Variants in PLAU observed in about 807,000 individuals in gnomAD.
PLAU encodes the protein urokinase-type plasminogen activator.
PLAU carries 32 observed loss-of-function variants against 48.9 expected under a neutral mutation model. That is an observed-to-expected ratio of 0.65 (90% confidence interval 0.49 to 0.88). The LOEUF (loss-of-function observed/expected upper bound fraction) is 0.88, where lower values mean the gene tolerates loss of function less well. Among genes scored for constraint, PLAU ranks in the 40% least tolerant of loss-of-function variants. The probability of loss-of-function intolerance (pLI) is 0.00; values close to 1 mark genes in which losing one functional copy is unlikely to be tolerated. For missense variants in PLAU, 455 were observed against 545.2 expected (o/e 0.83, Z 1.65); for synonymous variants, 199 against 205.7 (o/e 0.97, Z 0.28).
At chr10:73,916,325 G>T in intron 10 of PLAU, 64 bp from the exon 11 acceptor site, 1 of 1,414,350 alleles carries the variant, frequency 7.1e-7, no homozygotes, top group Non-Finnish European at 9.9e-7. Context: ...ATGGTTGGGT[G>T]ATGGGATCAG....
chr10:73,915,025 G>A lies in PLAU; in HGVS notation c.970+109G>A, dbSNP rs2227572. The A allele has an allele frequency of 1.8e-3, 2,249 of 1,266,802 alleles. 33 individuals carry two copies. In the African/African-American group the frequency reaches 0.03, roughly 17 times the overall value. 78.5% of individuals were successfully genotyped at this position (1,266,802 alleles called of 1,614,324 possible). On this transcript the variant is annotated intron_variant, in intron 9 of 10. Coordinates refer to ENST00000372764, the MANE Select transcript of PLAU (RefSeq NM_002658.6). ...GCAGAGTTAGAGGTGGGAGCACTGAGGCGGTGGCAGATGGGTCCAGGGATG... is the reference window on the plus strand; with the variant it reads ...GCAGAGTTAGAGGTGGGAGCACTGAAGCGGTGGCAGATGGGTCCAGGGATG...
rs2096129522 is a variant in PLAU, at chr10:73,913,574, T to G, written c.496T>G (p.Phe166Val). The G allele has an allele frequency of 6.2e-7, 1 of 1,613,676 alleles. No individual in the cohort carries two copies. The highest frequency in any genetic ancestry group is 8.5e-7 in the Non-Finnish European group (1 of 1,179,904). Residue 166 changes from phenylalanine (F) to valine (V), a missense_variant, in exon 7 of 11, where the codon TTT becomes GTT. Coordinates refer to ENST00000372764, the MANE Select transcript of PLAU (RefSeq NM_002658.6). Reference protein sequence around the residue: ...KPSSPPEELKFQCGQKTLRPR... With the variant: ...KPSSPPEELKVQCGQKTLRPR... ...CTCCTCTCCTCCAGAAGAATTAAAA[T>G]TTCAGTGTGGCCAAAAGACTCTGAG...
chr10:73,911,124 G>A (rs575703386), upstream of PLAU: 6 of 179,398 alleles, frequency 3.3e-5, no homozygotes, highest in South Asian at 8.4e-4. Context: ...GGCGCCGCGG[G>A]TCGCAGCACA....
chr10:73,914,257 T>C (rs2096131586), intron 8 of PLAU, 129 bp downstream of exon 8: 2 of 817,468 alleles, frequency 2.4e-6, no homozygotes, highest in African/African-American at 1.7e-5. Flanking sequence ...GAAGCCTCGA[T>C]ATACATGACA....
chr10:73,912,831 C>G, intron 4 of PLAU, 93 bp from the exon 5 acceptor site: 2 of 981,742 alleles, frequency 2.0e-6, no homozygotes, highest in Non-Finnish European at 3.0e-6. Flanking sequence ...AACTGGGCGA[C>G]AGAGCAAGAC....
Position 73,913,394 on chromosome 10 carries a change from G to A in PLAU, c.460+13G>A, listed in dbSNP as rs1445135132. On this transcript the variant is annotated intron_variant, in intron 6 of 10. Transcript: ENST00000372764. ...GACTGCGCAGATGGTGAGCATCACTGACCTGCTGATGACAGTGGGGTGGAA... is the reference window on the plus strand; with the variant it reads ...GACTGCGCAGATGGTGAGCATCACTAACCTGCTGATGACAGTGGGGTGGAA... 2 of 1,610,254 alleles carry A rather than the reference G, an allele frequency of 1.2e-6. No homozygotes were observed. The highest frequency in any genetic ancestry group is 2.7e-5 in the African/African-American group (2 of 74,930).
At chr10:73,915,014 G>A in intron 9 of PLAU, 98 bp downstream of exon 9, 3 of 1,370,126 alleles carry the variant, frequency 2.2e-6, no homozygotes, top group Non-Finnish European at 2.0e-6. Context: ...AGTTAGAGGT[G>A]GGAGCACTGA....
chr10:73,915,475 G>A, intron 10 of PLAU, 76 bp downstream of exon 10: 1 of 1,416,292 alleles, frequency 7.1e-7, no homozygotes, highest in Non-Finnish European at 9.5e-7. Context: ...GCCAGCTTAA[G>A]GGTGTCTCTC....
rs761855045 is a variant in PLAU at position 73,916,457 on chromosome 10, G to A, written c.1188G>A (p.Trp396Ter). ...GRMTLTGIVS[W>*]GRGCALKDKP... is the part of the protein sequence containing the mutation. ...TGACTTTGACTGGAATTGTGAGCTGGGGCCGTGGATGTGCCCTGAAGGACA... is the reference window on the plus strand; with the variant it reads ...TGACTTTGACTGGAATTGTGAGCTGAGGCCGTGGATGTGCCCTGAAGGACA... The change falls in exon 11 of 11, where the codon TGG becomes TGA. Residue 396 changes from tryptophan (W) to a stop codon, truncating the protein, a stop_gained. Transcript: ENST00000372764. LOFTEE classifies it low-confidence loss of function (END_TRUNC). The A allele has an allele frequency of 6.2e-7, 1 of 1,613,906 alleles. No homozygotes were observed. The highest frequency in any genetic ancestry group is 1.1e-5 in the South Asian group (1 of 91,018).
chr10:73,914,694 C>A, intron 8 of PLAU, 82 bp from the exon 9 acceptor site: 6 of 1,402,918 alleles, frequency 4.3e-6, no homozygotes, highest in Non-Finnish European at 5.9e-6. Context: ...GGCATAGCTA[C>A]TTCCTCGGCA....
upstream of PLAU, chr10:73,910,856 C>T (rs1176140905): frequency 6.6e-6 from 1 of 152,372 alleles, no homozygotes; most frequent in African/African-American, 2.4e-5. Flanking sequence ...CTTCTCTCCT[C>T]TCTGCAATTC....
intron 2 of PLAU, chr10:73,911,834 C>G (rs1240640750): frequency 6.4e-7 from 1 of 1,551,922 alleles, no homozygotes; most frequent in Non-Finnish European, 8.7e-7. Flanking sequence ...CCCCAGCCTG[C>G]GGGCATCTGG....
At chr10:73,915,754 A>G (rs2096135423) in intron 10 of PLAU, among the ~76,000 whole-genome samples, 1 of 152,110 alleles carries the variant, frequency 6.6e-6, no homozygotes, top group Non-Finnish European at 1.5e-5. Context: ...TTTAAAGGAA[A>G]TGTGACTTGA....
intron 2 of PLAU, 25 bp from the exon 3 acceptor site, chr10:73,912,015 GA>G (rs762613177): frequency 2.3e-5 from 37 of 1,613,986 alleles, no homozygotes; most frequent in South Asian, 9.9e-5. Context: ...GACCTTTGAT[GA>G]AGCCTCCTCC....
intron 1 of PLAU, 21 bp downstream of exon 1, chr10:73,911,239 A>G (rs2096123183): frequency 9.2e-6 from 4 of 435,312 alleles, no homozygotes; most frequent in African/African-American, 2.1e-5. Context: ...CGGTCCTGAG[A>G]TCCCCGGGCC....
rs149869183 is a variant in PLAU, at chr10:73,912,996, G to A, written c.266G>A (p.Arg89Gln). 5.1e-5 allele frequency: 82 copies of A among 1,613,964 alleles called. No homozygotes were observed. Among genetic ancestry groups the A allele is most frequent in the East Asian group, 1.1e-4 (5 of 44,898 alleles). Reference protein sequence around the residue: ...RGKASTDTMGRPCLPWNSATV... With the variant: ...RGKASTDTMGQPCLPWNSATV... ...AAGGCCAGCACTGACACCATGGGCC[G>A]GCCCTGCCTGCCCTGGAACTCTGCC... Residue 89 changes from arginine to glutamine, a missense_variant, in exon 5 of 11, where the codon CGG becomes CAG. By Grantham distance (43) the Arg-to-Gln change is conservative. Transcript: ENST00000372764.
Position 73,914,542 on chromosome 10 carries a change from C to T in PLAU, c.830-234C>T, listed in dbSNP as rs559834339. ...CCTCAGCTGGGAGTTTTTGCAGAAA[C>T]GACCTGTACAGCTGTATGCAGTGGC... On this transcript the variant is annotated intron_variant, in intron 8 of 10. Coordinates refer to ENST00000372764, the MANE Select transcript of PLAU (RefSeq NM_002658.6). Among the ~76,000 whole-genome samples the T allele has an allele frequency of 3.4e-4, 52 of 152,276 alleles. 1 individual carries two copies. The highest frequency in any genetic ancestry group is 1.2e-3 in the African/African-American group (48 of 41,554).
At chr10:73,911,421 T>G in intron 1 of PLAU, 104 bp from the exon 2 acceptor site, 1 of 1,175,198 alleles carries the variant, frequency 8.5e-7, no homozygotes, top group Non-Finnish European at 1.2e-6. Context: ...GAGAGACAGC[T>G]GGGGAGCCTG....
chr10:73,911,157 G>A lies in PLAU; in HGVS notation c.-93G>A, dbSNP rs897314960. The stretch of plus-strand genomic sequence containing the variant: ...ACAGTGCGGAGACCGCAGCCCCGGA[G>A]CCCGGGCCAGGGTCCACCTGTCCCC... On this transcript the variant is annotated 5_prime_UTR_variant, in exon 1 of 11. Coordinates refer to ENST00000372764, the MANE Select transcript of PLAU (RefSeq NM_002658.6). 3 of 241,650 alleles carry A rather than the reference G, an allele frequency of 1.2e-5. No homozygotes were observed. The highest frequency in any genetic ancestry group is 2.4e-5 in the Non-Finnish European group (3 of 127,140). 15.0% of individuals were successfully genotyped at this position (241,650 alleles called of 1,614,324 possible).
Sources: allele counts gnomAD v4.1 joint callset (sites outside exome capture counted in the v4.1 genomes callset), GRCh38; gene constraint gnomAD v4.1.1; transcripts MANE v1.5; gene names NCBI Gene and HGNC (gene_info 2026-07-23, HGNC 2026-07-21).